PCDHGB5: variants seen among roughly 807,000 people sequenced by gnomAD.
PCDHGB5 encodes the protein protocadherin gamma subfamily B, 5.
Under a neutral mutation model 62.9 loss-of-function variants are expected in PCDHGB5, and 48 were observed. That is an observed-to-expected ratio of 0.76 (90% CI 0.61 to 0.97). PCDHGB5 has a LOEUF of 0.97. Among genes scored for constraint, PCDHGB5 ranks in the 50% least tolerant of loss-of-function variants. The probability of loss-of-function intolerance (pLI) is 0.00; values close to 1 mark genes in which losing one functional copy is unlikely to be tolerated. For missense variants in PCDHGB5, 1,118 were observed against 1,198.6 expected (o/e 0.93, Z 0.99); for synonymous variants, 474 against 511.2 (o/e 0.93, Z 0.98).
chr5:141,487,512 C>T lies in PCDHGB5; in HGVS notation c.2398-7295C>T, dbSNP rs372606253. The stretch of plus-strand genomic sequence containing the variant: ...TGTACACCCTTGGCTTCTGCACCCA[C>T]TCGGAGTGATAGCTTCATGATGGTG... On this transcript the variant is annotated intron_variant, in intron 1 of 3. Transcript: ENST00000617380. This position sits in a 1 kb window ranked among gnomAD's most constrained non-coding sequence, Gnocchi z 5.0. 3.7e-6 allele frequency: 6 copies of T among 1,614,082 alleles called. No homozygotes were observed. The highest frequency in any genetic ancestry group is 5.1e-6 in the Non-Finnish European group (6 of 1,180,044).
Position 141,486,616 on chromosome 5 carries a change from C to A in PCDHGB5, c.2398-8191C>A. On this transcript the variant is annotated intron_variant, in intron 1 of 3. Transcript: ENST00000617380. The surrounding 1 kb of genome is among the most constrained non-coding windows in gnomAD (Gnocchi z 5.0). ...TGCTTTGCTCCCTTGCAGCCTCTGACCCAGACTCTGGCTTGAATGCGCTTA... is the reference window on the plus strand; with the variant it reads ...TGCTTTGCTCCCTTGCAGCCTCTGAACCAGACTCTGGCTTGAATGCGCTTA... The A allele has an allele frequency of 6.2e-7, 1 of 1,613,618 alleles. No individual in the cohort carries two copies. Among genetic ancestry groups the A allele is most frequent in the Non-Finnish European group, 8.5e-7 (1 of 1,180,022 alleles).
intron 3 of PCDHGB5, among the ~76,000 whole-genome samples, chr5:141,510,741 C>A (rs11953770): frequency 1.3e-5 from 2 of 152,138 alleles, no homozygotes; most frequent in Non-Finnish European, 1.5e-5. Context: ...GGAATCAAAC[C>A]TAGACTTTCT....
At chr5:141,502,880 T>TTTTTTTTTTG (rs2099816747) in intron 2 of PCDHGB5, among the ~76,000 whole-genome samples, 1 of 151,000 alleles carries the variant, frequency 6.6e-6, no homozygotes, top group African/African-American at 2.4e-5. Context: ...TTTTTTTTTT[T>TTTTTTTTTTG]GACAGGGAGT....
chr5:141,451,284 G>A (rs950768919), intron 1 of PCDHGB5, among the ~76,000 whole-genome samples: 1 of 152,186 alleles, frequency 6.6e-6, no homozygotes. Context: ...GAGTGCCTCT[G>A]CCTCAAAGTC....
chr5:141,435,952 G>A lies in PCDHGB5; in HGVS notation c.2397+35428G>A, dbSNP rs944960593. ...TTGCTGCTTCTGAGACCAAAAAAGG[G>A]GGCAAAATATAGAGTGTGTGGTTCT... is the stretch of plus-strand genomic sequence containing the variant. On this transcript the variant is annotated intron_variant, in intron 1 of 3. Transcript: ENST00000617380. Among the ~76,000 whole-genome samples the A allele has an allele frequency of 2.6e-5, 4 of 152,098 alleles. No individual in the cohort carries two copies. The South Asian group carries it at 8.3e-4, about 32-fold the overall frequency.
chr5:141,494,950 A>T, intron 2 of PCDHGB5, 85 bp downstream of exon 2: 2 of 1,607,070 alleles, frequency 1.2e-6, no homozygotes, highest in African/African-American at 2.7e-5. Context: ...AGGGCCCAGC[A>T]TTTGCTACAG....
chr5:141,414,412 G>A, intron 1 of PCDHGB5: 1 of 1,613,832 alleles, frequency 6.2e-7, no homozygotes, highest in South Asian at 1.1e-5. Flanking sequence ...GATACACAGA[G>A]CCCTTGACAG....
At chr5:141,508,823 G>A (rs1445894402) in intron 3 of PCDHGB5, among the ~76,000 whole-genome samples, 1 of 151,966 alleles carries the variant, frequency 6.6e-6, no homozygotes, top group Admixed American at 6.6e-5. Flanking sequence ...GCCAGATCTG[G>A]GCCCCCCTCC....
chr5:141,454,657 CG>C (rs1313292109), intron 1 of PCDHGB5, among the ~76,000 whole-genome samples: 1 of 152,074 alleles, frequency 6.6e-6, no homozygotes, highest in Admixed American at 6.6e-5. Flanking sequence ...CTGCCCACCT[CG>C]GCCTCCCAAA....
In PCDHGB5 at chr5:141,483,413, G is replaced by A. The variant is rs112015754; in HGVS notation, c.2398-11394G>A. 5.9e-4 allele frequency among the ~76,000 whole-genome samples: 90 copies of A among 152,300 alleles called. 1 individual carries two copies. Among genetic ancestry groups the A allele is most frequent in the African/African-American group, 1.7e-3 (69 of 41,584 alleles). ...AAATGCTTGAACCAGCACAGTGGCA[G>A]TACAGATGGAGGGAGCTGACTACAA... On this transcript the variant is annotated intron_variant, in intron 1 of 3. Transcript: ENST00000617380.
Position 141,431,599 on chromosome 5 carries a change from C to T in PCDHGB5, c.2397+31075C>T. On this transcript the variant is annotated intron_variant, in intron 1 of 3. Transcript: ENST00000617380. The surrounding 1 kb of genome is among the most constrained non-coding windows in gnomAD (Gnocchi z 4.8). ...GAGTCAATGCGGAAGTGAGGTATTC[C>T]TTCCGGTATGTGGACGACAAGGCGG... 1 of 1,614,194 alleles carries T rather than the reference C, an allele frequency of 6.2e-7. No individual in the cohort carries two copies. The highest frequency in any genetic ancestry group is 8.5e-7 in the Non-Finnish European group (1 of 1,180,034).
intron 1 of PCDHGB5, among the ~76,000 whole-genome samples, chr5:141,474,143 TATC>T (rs1371874237): frequency 1.3e-5 from 2 of 152,188 alleles, no homozygotes; most frequent in Non-Finnish European, 2.9e-5. Context: ...CAGGCCTTAT[TATC>T]AAGAAAATGA....
In PCDHGB5 at chr5:141,486,645, C is replaced by G. The variant is rs369948556; in HGVS notation, c.2398-8162C>G. ...GACTCTGGCTTGAATGCGCTTATCT[C>G]CTACTCACTCCTGGAGCCCAGGAAT... On this transcript the variant is annotated intron_variant, in intron 1 of 3. Coordinates refer to ENST00000617380, the MANE Select transcript of PCDHGB5 (RefSeq NM_018925.3). The surrounding 1 kb of genome is among the most constrained non-coding windows in gnomAD (Gnocchi z 5.0). 4.3e-6 allele frequency: 7 copies of G among 1,613,752 alleles called. No individual in the cohort carries two copies. The Admixed American group carries it at 6.7e-5, about 15-fold the overall frequency.
intron 1 of PCDHGB5, chr5:141,426,675 C>T: frequency 2.3e-6 from 1 of 431,942 alleles, no homozygotes; most frequent in South Asian, 1.6e-5. Flanking sequence ...TAACCCACCT[C>T]ATTTTCCCCA....
chr5:141,421,901 G>C (rs754277661), intron 1 of PCDHGB5: 1 of 1,613,724 alleles, frequency 6.2e-7, no homozygotes, highest in East Asian at 2.2e-5. Flanking sequence ...ATCCGAAAGG[G>C]CGCAGTTCCC....
chr5:141,438,767 T>C (rs1478209487), intron 1 of PCDHGB5, among the ~76,000 whole-genome samples: 2 of 148,566 alleles, frequency 1.3e-5, no homozygotes, highest in Non-Finnish European at 3.0e-5. Flanking sequence ...GTTCAAGCGA[T>C]TCTCCTGCCT....
chr5:141,438,735 C>T (rs2098057719), intron 1 of PCDHGB5, among the ~76,000 whole-genome samples: 1 of 149,150 alleles, frequency 6.7e-6, no homozygotes, highest in South Asian at 2.1e-4. Context: ...GATCTCAGCT[C>T]ACTGCAACCT....
chr5:141,478,668 T>G (rs1411369994), intron 1 of PCDHGB5: 40 of 1,551,660 alleles, frequency 2.6e-5, no homozygotes, highest in Non-Finnish European at 3.4e-5. Flanking sequence ...CATTCACACT[T>G]TCAACTGGCC....
In PCDHGB5 at chr5:141,404,779, C is replaced by T. The variant is rs779433248; in HGVS notation, c.2397+4255C>T. 8.1e-6 allele frequency: 13 copies of T among 1,613,628 alleles called. No individual in the cohort carries two copies. In the Admixed American group the frequency reaches 1.5e-4, roughly 19 times the overall value. ...ATGCTTGGCTCTCCTACCGCCTATT[C>T]AAGGCCAGTGAGCCAGGGCTCTTCT... On this transcript the variant is annotated intron_variant, in intron 1 of 3. Coordinates refer to ENST00000617380, the MANE Select transcript of PCDHGB5 (RefSeq NM_018925.3).
Sources: allele counts gnomAD v4.1 joint callset (sites outside exome capture counted in the v4.1 genomes callset), GRCh38; gene constraint gnomAD v4.1.1; non-coding constraint Gnocchi (gnomAD v3.1); transcripts MANE v1.5; gene names NCBI Gene and HGNC (gene_info 2026-07-23, HGNC 2026-07-21).